WWOX: variants seen among roughly 807,000 people sequenced by gnomAD.
The protein encoded by WWOX is WW domain containing oxidoreductase, also known as WW domain-containing oxidoreductase.
WWOX carries 69 observed loss-of-function variants against 46.2 expected under a neutral mutation model. The observed-to-expected ratio is 1.49, with a 90% CI of 1.23 to 1.82. WWOX has a LOEUF of 1.82. WWOX is among the 40% of genes most tolerant of loss of function. The pLI, the probability that WWOX is intolerant of heterozygous loss-of-function variation, is 0.00. For synonymous variants in WWOX, 359 were observed against 202.6 expected (o/e 1.77, Z -6.56); for missense variants, 919 against 542.6 (o/e 1.69, Z -6.89).
At chr16:78,933,000 G>C (rs974942250) in intron 8 of WWOX, among the ~76,000 whole-genome samples, 9 of 152,196 alleles carry the variant, frequency 5.9e-5, no homozygotes, top group African/African-American at 2.2e-4. Context: ...CCATACCTTG[G>C]GAATTAGACT....
intron 8 of WWOX, among the ~76,000 whole-genome samples, chr16:78,802,575 T>C (rs2050918917): frequency 6.6e-6 from 1 of 152,150 alleles, no homozygotes; most frequent in African/African-American, 2.4e-5. Flanking sequence ...CCTTAACAAC[T>C]AATTAATAAA....
intron 8 of WWOX, among the ~76,000 whole-genome samples, chr16:78,596,519 G>A (rs759463086): frequency 5.9e-5 from 9 of 152,292 alleles, no homozygotes; most frequent in South Asian, 2.1e-4. Context: ...TGAGGTTGGC[G>A]AGATCGTGAC....
intron 8 of WWOX, among the ~76,000 whole-genome samples, chr16:79,011,558 G>A (rs1273124399): frequency 6.6e-6 from 1 of 151,280 alleles, no homozygotes; most frequent in East Asian, 1.9e-4. Flanking sequence ...GTGACATGGT[G>A]ATGGCTCACC....
chr16:79,094,049 G>C (rs1378885177), intron 8 of WWOX, among the ~76,000 whole-genome samples: 1 of 152,118 alleles, frequency 6.6e-6, no homozygotes, highest in Non-Finnish European at 1.5e-5. Flanking sequence ...CAGAAGTAGT[G>C]GCATAATTTA....
At chr16:78,811,511 T>C (rs2051187968) in intron 8 of WWOX, among the ~76,000 whole-genome samples, 1 of 152,008 alleles carries the variant, frequency 6.6e-6, no homozygotes, top group East Asian at 1.9e-4. Flanking sequence ...TTTCTTTCTT[T>C]TTCCTTTTTC....
At chr16:79,153,212 G>A (rs542031145) in intron 8 of WWOX, among the ~76,000 whole-genome samples, 17 of 152,132 alleles carry the variant, frequency 1.1e-4, no homozygotes, top group African/African-American at 3.1e-4. Context: ...CAGGCCCAGC[G>A]TAGTGGCTTG....
intron 8 of WWOX, among the ~76,000 whole-genome samples, chr16:79,090,545 G>GTAAAGA (rs1216870747): frequency 1.3e-5 from 2 of 152,134 alleles, no homozygotes; most frequent in Admixed American, 1.3e-4. Context: ...GATAAGTGCT[G>GTAAAGA]TAAAGATAAT....
chr16:78,759,986 C>G (rs1035722730), intron 8 of WWOX, among the ~76,000 whole-genome samples: 1 of 152,112 alleles, frequency 6.6e-6, no homozygotes, highest in Non-Finnish European at 1.5e-5. Context: ...TTACAATGAC[C>G]CTTTTAATTG....
At chr16:78,437,504 A>C (rs868674991) in intron 8 of WWOX, among the ~76,000 whole-genome samples, 1 of 152,228 alleles carries the variant, frequency 6.6e-6, no homozygotes, top group Non-Finnish European at 1.5e-5. Context: ...AATAATCACT[A>C]ATGAGAAACT....
At chr16:78,528,442 T>C (rs1416152649) in intron 8 of WWOX, among the ~76,000 whole-genome samples, 2 of 152,008 alleles carry the variant, frequency 1.3e-5, no homozygotes, top group Non-Finnish European at 2.9e-5. Flanking sequence ...TTCAAGGTGC[T>C]AATTAGGGTG....
chr16:78,734,473 C>G (rs923192289), intron 8 of WWOX, among the ~76,000 whole-genome samples: 1 of 151,908 alleles, frequency 6.6e-6, no homozygotes, highest in Non-Finnish European at 1.5e-5. Context: ...ATCTTACGGT[C>G]TGCGGGTTGA....
intron 6 of WWOX, among the ~76,000 whole-genome samples, chr16:78,408,953 C>G (rs1219305699): frequency 6.6e-6 from 1 of 152,188 alleles, no homozygotes; most frequent in Non-Finnish European, 1.5e-5. Context: ...AATTTTTCTA[C>G]TGTACAGATG....
At chr16:78,420,633 G>C (rs1205758049) in intron 6 of WWOX, among the ~76,000 whole-genome samples, 1 of 147,838 alleles carries the variant, frequency 6.8e-6, no homozygotes, top group East Asian at 2.0e-4. Flanking sequence ...GTAGATAGAG[G>C]GTGGCTAGTG....
At chr16:79,081,449 C>T (rs1279103954) in intron 8 of WWOX, among the ~76,000 whole-genome samples, 1 of 152,196 alleles carries the variant, frequency 6.6e-6, no homozygotes, top group Non-Finnish European at 1.5e-5. Flanking sequence ...CAGGCATGAG[C>T]CTAACTATCC....
intron 8 of WWOX, among the ~76,000 whole-genome samples, chr16:79,167,145 T>C (rs1317742102): frequency 1.3e-5 from 2 of 152,158 alleles, no homozygotes; most frequent in African/African-American, 2.4e-5. Flanking sequence ...TTTTGCCATG[T>C]TGGCCAAGCT....
intron 8 of WWOX, among the ~76,000 whole-genome samples, chr16:79,039,179 C>T (rs533618416): frequency 2.0e-5 from 3 of 152,224 alleles, no homozygotes; most frequent in East Asian, 3.9e-4. Flanking sequence ...GCTCATGTTA[C>T]GGTTTTGAAC....
chr16:78,796,240 C>A lies in WWOX; in HGVS notation c.1056+363488C>A, dbSNP rs113143302. 3.3e-5 allele frequency among the ~76,000 whole-genome samples: 5 copies of A among 152,340 alleles called. No homozygotes were observed. The East Asian group carries it at 9.7e-4, about 29-fold the overall frequency. On this transcript the variant is annotated intron_variant, in intron 8 of 8. Transcript: ENST00000566780. ...AACAATTAGTATAGACATTCAGCAA[C>A]TGGCCTCCCATACTGTGATTCACTG...
chr16:78,133,728 A>T (rs1175907335), intron 4 of WWOX, among the ~76,000 whole-genome samples: 1 of 152,194 alleles, frequency 6.6e-6, no homozygotes, highest in Non-Finnish European at 1.5e-5. Context: ...CTGAGGAACA[A>T]ATGCTCATGA....
intron 5 of WWOX, among the ~76,000 whole-genome samples, chr16:78,241,782 G>C (rs765647499): frequency 6.6e-6 from 1 of 152,108 alleles, no homozygotes; most frequent in Non-Finnish European, 1.5e-5. Flanking sequence ...TGACATCATT[G>C]CTCAGATTCA....
Sources: allele counts gnomAD v4.1 joint callset (sites outside exome capture counted in the v4.1 genomes callset), GRCh38; gene constraint gnomAD v4.1.1; transcripts MANE v1.5; gene names NCBI Gene and HGNC (gene_info 2026-07-23, HGNC 2026-07-21).